COL6A2: variants seen among roughly 807,000 people sequenced by gnomAD.
The protein encoded by COL6A2 is collagen type VI alpha 2 chain.
In COL6A2, 90 loss-of-function variants were observed where a neutral mutation model predicts 124.9. That is an observed-to-expected ratio of 0.72 (90% CI 0.61 to 0.86). COL6A2 has a LOEUF of 0.86. Among genes scored for constraint, COL6A2 ranks in the 40% least tolerant of loss-of-function variants. COL6A2 has a pLI of 0.00. For missense variants in COL6A2, 1,607 were observed against 1,502.5 expected (o/e 1.07, Z -1.15); for synonymous variants, 793 against 618.2 (o/e 1.28, Z -4.19).
intron 10 of COL6A2, 111 bp from the exon 11 acceptor site, chr21:46,117,289 G>A (rs2078487279): frequency 9.1e-7 from 1 of 1,096,320 alleles, no homozygotes; most frequent in Non-Finnish European, 1.4e-6. Flanking sequence ...GTGCCAGGAG[G>A]AGAGCGCTGC....
intron 5 of COL6A2, 110 bp from the exon 6 acceptor site, chr21:46,115,762 G>A: frequency 4.2e-6 from 4 of 960,748 alleles, no homozygotes; most frequent in Non-Finnish European, 6.5e-6. Flanking sequence ...ACTTGGGCAG[G>A]GGAATCAGTA....
intron 1 of COL6A2, among the ~76,000 whole-genome samples, chr21:46,099,621 T>C (rs8133436): frequency 0.93 from 141,161 of 152,290 alleles, 65,738 homozygotes; most frequent in Non-Finnish European, 0.96. Flanking sequence ...GGGGTCCTGG[T>C]GCTGCTCATG....
rs1412085943 is a variant in COL6A2 at position 46,132,783 on chromosome 21, G to A, written c.*231G>A. The stretch of plus-strand genomic sequence containing the variant: ...CTCCCTCCCCCTGCAGCCATCCCAA[G>A]GCTCCTGACCTACCTGGCCCCTGAG... On this transcript the variant is annotated 3_prime_UTR_variant, in exon 28 of 28. Transcript: ENST00000300527. The A allele has an allele frequency of 8.5e-6, 5 of 588,198 alleles. No homozygotes were observed. The highest frequency in any genetic ancestry group is 2.8e-5 in the East Asian group (1 of 35,186). The allele number at this position is 588,198 out of a possible 1,614,324, so 36.4% of individuals were successfully genotyped here.
At chr21:46,105,695 G>A (rs2078328563) in intron 1 of COL6A2, among the ~76,000 whole-genome samples, 1 of 151,854 alleles carries the variant, frequency 6.6e-6, no homozygotes, top group Non-Finnish European at 1.5e-5. Flanking sequence ...CAATCCCCAT[G>A]GTAACAACAA....
intron 16 of COL6A2, 41 bp downstream of exon 16, chr21:46,120,618 T>C (rs2078549445): frequency 1.0e-5 from 15 of 1,434,034 alleles, no homozygotes; most frequent in Non-Finnish European, 1.3e-5. Flanking sequence ...GTAGGGGATC[T>C]GAGGGGGTGC....
rs1332345489 is a variant in COL6A2, at chr21:46,129,577, AG to A, written c.2462-2375del. Reference sequence around the variant, plus strand: ...CCCCCGACAGGCTGGCTCTCAGTGGAGGCCAGAGATCTGGAATCGGGGTCAG... The same window carrying A: ...CCCCCGACAGGCTGGCTCTCAGTGGAGCCAGAGATCTGGAATCGGGGTCAG... On this transcript the variant is annotated intron_variant, in intron 27 of 27. Coordinates refer to ENST00000300527, the MANE Select transcript of COL6A2 (RefSeq NM_001849.4). The A allele has an allele frequency of 4.1e-6, 6 of 1,452,510 alleles. No homozygotes were observed. In the African/African-American group the frequency reaches 5.7e-5, roughly 14 times the overall value. The allele number at this position is 1,452,510 out of a possible 1,614,324, so 90.0% of individuals were successfully genotyped here. A position where few individuals can be genotyped will look rare whatever the true frequency, so the allele number is the denominator to read the frequency against.
chr21:46,116,110 A>G lies in COL6A2; in HGVS notation c.900+57A>G. 1 of 1,525,072 alleles carries G rather than the reference A, an allele frequency of 6.6e-7. No individual in the cohort carries two copies. The highest frequency in any genetic ancestry group is 8.9e-7 in the Non-Finnish European group (1 of 1,123,974). The allele number at this position is 1,525,072 out of a possible 1,614,324, so 94.5% of individuals were successfully genotyped here. ...CCCTGAGGCCCCAGCACTGCCAGGC[A>G]GGCTCCCCCCAGCCCAGCCTCGGCC... On this transcript the variant is annotated intron_variant, in intron 7 of 27. Transcript: ENST00000300527. The surrounding 1 kb of genome is among the most constrained non-coding windows in gnomAD (Gnocchi z 4.6).
At position 46,122,127 on chromosome 21, in the gene COL6A2, G is replaced by T; in HGVS notation, c.1541G>T (p.Gly514Val). Residue 514 changes from glycine (G) to valine (V), a missense_variant, in exon 19 of 28, where the codon GGA (glycine) becomes GTA (valine). Physicochemically the swap from Gly to Val is moderately radical, Grantham distance 109. This residue lies in a region of COL6A2 where 1,223 missense variants were observed against 1,052.2 expected (regional missense o/e 1.16). Coordinates refer to ENST00000300527, the MANE Select transcript of COL6A2 (RefSeq NM_001849.4). ...PGPKGDPGRP[G>V]FSYPGPRGAP... ...CTCCAGGGAGACCCCGGCAGGCCTG[G>T]ATTCAGCTACCCAGGACCCCGAGGA... The T allele has an allele frequency of 6.2e-7, 1 of 1,612,756 alleles. No homozygotes were observed. The highest frequency in any genetic ancestry group is 8.5e-7 in the Non-Finnish European group (1 of 1,179,990).
chr21:46,125,047 A>G lies in COL6A2; in HGVS notation c.1770+127A>G. 11 of 1,272,856 alleles carry G rather than the reference A, an allele frequency of 8.6e-6. No homozygotes were observed. In the South Asian group the frequency reaches 1.2e-4, roughly 14 times the overall value. The allele number at this position is 1,272,856 out of a possible 1,614,324, so 78.8% of individuals were successfully genotyped here. ...AGATCAGTGGAGGAGGTCAGAGGGC[A>G]AGGTCAGAGAGCAAGCTTGGTTGGG... On this transcript the variant is annotated intron_variant, in intron 23 of 27. Coordinates refer to ENST00000300527, the MANE Select transcript of COL6A2 (RefSeq NM_001849.4).
intron 5 of COL6A2, 132 bp from the exon 6 acceptor site, chr21:46,115,740 C>A: frequency 1.2e-6 from 1 of 833,044 alleles, no homozygotes; most frequent in Non-Finnish European, 2.0e-6. Flanking sequence ...CAGCTGACAC[C>A]AAGACTTCTC....
At position 46,124,948 on chromosome 21, in the gene COL6A2, G is replaced by A; in HGVS notation, c.1770+28G>A. 3 of 1,612,704 alleles carry A rather than the reference G, an allele frequency of 1.9e-6. No individual in the cohort carries two copies. The South Asian group carries it at 3.3e-5, about 18-fold the overall frequency. On this transcript the variant is annotated intron_variant, in intron 23 of 27. Transcript: ENST00000300527. Reference sequence around the variant, plus strand: ...AGGTGTCACATGGGGCAGAACCAGTGTCCTTCTCCTGCCAAAACTAGACAC... The same window carrying A: ...AGGTGTCACATGGGGCAGAACCAGTATCCTTCTCCTGCCAAAACTAGACAC...
chr21:46,117,774 A>C lies in COL6A2; in HGVS notation c.1054-100A>C, dbSNP rs114067391. 4,118 of 1,201,934 alleles carry C rather than the reference A, an allele frequency of 3.4e-3. 94 individuals carry two copies. In the African/African-American group the frequency reaches 0.05, roughly 15 times the overall value. 74.5% of individuals were successfully genotyped at this position (1,201,934 alleles called of 1,614,324 possible). On this transcript the variant is annotated intron_variant, in intron 11 of 27. Transcript: ENST00000300527. ...GCCTGGGCCTCACAGTGAGGGTGGG[A>C]GGTGCGTCCCGGGCTGGGACAATGG...
In COL6A2 at chr21:46,125,529, G is replaced by T. The variant is rs754838225; in HGVS notation, c.1881G>T (p.Gly627=). The T allele has an allele frequency of 1.9e-6, 3 of 1,612,976 alleles. No homozygotes were observed. In the African/African-American group the frequency reaches 4.0e-5, roughly 21 times the overall value. ...TCATCGACAGCTCCGAGAGCATTGGGTACACCAACTTCACACTGGAGAAGA... is the reference window on the plus strand; with the variant it reads ...TCATCGACAGCTCCGAGAGCATTGGTTACACCAACTTCACACTGGAGAAGA... ...VFVIDSSESI[G]YTNFTLEKNF... is the part of the protein sequence containing the mutation. The change falls in exon 25 of 28, where the codon GGG becomes GGT. Residue 627 remains glycine (G), a synonymous_variant. Coordinates refer to ENST00000300527, the MANE Select transcript of COL6A2 (RefSeq NM_001849.4).
intron 1 of COL6A2, among the ~76,000 whole-genome samples, chr21:46,105,387 A>G (rs890886969): frequency 2.0e-5 from 3 of 151,966 alleles, no homozygotes; most frequent in African/African-American, 7.3e-5. Context: ...CCTTATCTCA[A>G]AATAAATAAA....
At chr21:46,099,455 CAAAAAAAAAA>C (rs35690093) in intron 1 of COL6A2, among the ~76,000 whole-genome samples, 6 of 68,700 alleles carry the variant, frequency 8.7e-5, no homozygotes, top group South Asian at 6.7e-4. Context: ...GAGACTGTCT[CAAAAAAAAAA>C]AAAAAAAAAA....
At position 46,126,482 on chromosome 21, in the gene COL6A2, G is replaced by GGCCCA. The variant is rs758877361; in HGVS notation, c.2423-18_2423-17insCAGCC. On this transcript the variant is annotated intron_variant, in intron 26 of 27. Transcript: ENST00000300527. ...CTAGGGACTGACCCTGGCCTGGCCCGGCCTCTCTCCTCTCTTCCAGACCCT... is the reference window on the plus strand; with the variant it reads ...CTAGGGACTGACCCTGGCCTGGCCCGGCCCAGCCTCTCTCCTCTCTTCCAGACCCT... 4 of 1,613,042 alleles carry GGCCCA rather than the reference G, an allele frequency of 2.5e-6. No homozygotes were observed. The South Asian group carries it at 4.4e-5, about 18-fold the overall frequency.
At chr21:46,109,787 G>A (rs2078375072) in intron 1 of COL6A2, among the ~76,000 whole-genome samples, 2 of 152,196 alleles carry the variant, frequency 1.3e-5, no homozygotes, top group African/African-American at 4.8e-5. Context: ...CTGGGCAGCG[G>A]GAACAGGCAC....
intron 1 of COL6A2, among the ~76,000 whole-genome samples, chr21:46,110,843 G>A (rs2078388556): frequency 4.5e-5 from 2 of 44,418 alleles, no homozygotes; most frequent in Non-Finnish European, 6.2e-5. Flanking sequence ...AGGGCATCAG[G>A]GAGGATGGAC....
At chr21:46,110,398 A>G (rs1230454656) in intron 1 of COL6A2, among the ~76,000 whole-genome samples, 1 of 152,224 alleles carries the variant, frequency 6.6e-6, no homozygotes, top group Non-Finnish European at 1.5e-5. Context: ...GAATTGGGAA[A>G]AAGTTTATCT....
Sources: gnomAD v4.1 joint callset for allele counts (sites outside exome capture counted in the v4.1 genomes callset) on GRCh38, gnomAD v4.1.1 for gene constraint, gnomAD v4.1.1 regional missense constraint, Gnocchi (gnomAD v3.1) non-coding constraint, MANE v1.5 for transcripts, NCBI Gene and HGNC (gene_info 2026-07-23, HGNC 2026-07-21) for gene names.